RCOR1: variants seen among roughly 807,000 people sequenced by gnomAD.
RCOR1 encodes the protein REST corepressor.
Under a neutral mutation model 64.0 loss-of-function variants are expected in RCOR1, and 12 were observed. That is an observed-to-expected ratio of 0.19 (90% CI 0.12 to 0.30). The LOEUF (loss-of-function observed/expected upper bound fraction) is 0.30. Ranked by LOEUF, RCOR1 falls within the 10% of genes least tolerant of loss-of-function variation. RCOR1 has a pLI of 1.00. For synonymous variants in RCOR1, 279 were observed against 227.2 expected (o/e 1.23, Z -2.05); for missense variants, 502 against 621.2 (o/e 0.81, Z 2.04).
chr14:102,599,979 C>G (rs1179241060), intron 2 of RCOR1, among the ~76,000 whole-genome samples: 1 of 152,120 alleles, frequency 6.6e-6, no homozygotes, highest in Non-Finnish European at 1.5e-5. Context: ...CCAGGCTGGT[C>G]TCTAACTCTT....
In RCOR1 at chr14:102,657,955, TTTTAA is replaced by T. The variant is rs1327371179; in HGVS notation, c.362-23927_362-23923del. The stretch of plus-strand genomic sequence containing the variant: ...GAGTTTTCTTTATGAGGGGTGTTCT[TTTTAA>T]TTTAATTTAATTAATTTTTATTTAT... On this transcript the variant is annotated intron_variant, in intron 2 of 11. Transcript: ENST00000262241. 1.0e-5 allele frequency: 10 copies of T among 975,388 alleles called. 1 individual carries two copies. The African/African-American group carries it at 1.4e-4, about 14-fold the overall frequency. 60.4% of individuals were successfully genotyped at this position (975,388 alleles called of 1,614,324 possible). A position where few individuals can be genotyped will look rare whatever the true frequency, so the allele number is the denominator to read the frequency against.
chr14:102,618,323 G>A (rs907138319), intron 2 of RCOR1, among the ~76,000 whole-genome samples: 4 of 151,886 alleles, frequency 2.6e-5, no homozygotes, highest in Non-Finnish European at 5.9e-5. Context: ...TCTTTGCTTG[G>A]GTTGAGTACA....
chr14:102,690,248 A>G (rs74084112), intron 3 of RCOR1, among the ~76,000 whole-genome samples: 2 of 152,204 alleles, frequency 1.3e-5, no homozygotes, highest in African/African-American at 4.8e-5. Context: ...ACTATATTGT[A>G]CATGAAAGTT....
intron 2 of RCOR1, among the ~76,000 whole-genome samples, chr14:102,609,848 G>A (rs1218182362): frequency 6.6e-6 from 1 of 151,816 alleles, no homozygotes; most frequent in African/African-American, 2.4e-5. Flanking sequence ...TATATGAAAT[G>A]GTCCTTTAAG....
chr14:102,607,684 C>A lies in RCOR1; in HGVS notation c.361+14359C>A, dbSNP rs145079753. ...AGATCACGAGGTCAGGAGTTTGAGACCAGCCTGGCCAACATGGTAAAACCC... is the reference window on the plus strand; with the variant it reads ...AGATCACGAGGTCAGGAGTTTGAGAACAGCCTGGCCAACATGGTAAAACCC... On this transcript the variant is annotated intron_variant, in intron 2 of 11. Transcript: ENST00000262241. 8.6e-3 allele frequency among the ~76,000 whole-genome samples: 1,303 copies of A among 152,264 alleles called. 10 individuals are homozygous for A. The highest frequency in any genetic ancestry group is 0.014 in the Non-Finnish European group (964 of 68,026).
chr14:102,676,742 ACCTC>A (rs1895172047), intron 2 of RCOR1, among the ~76,000 whole-genome samples: 1 of 31,396 alleles, frequency 3.2e-5, no homozygotes, highest in African/African-American at 1.4e-4. Flanking sequence ...GACCCCCCCC[ACCTC>A]CCTCCCGGAC....
intron 2 of RCOR1, chr14:102,662,207 A>C (rs186466161): frequency 1.7e-5 from 8 of 460,516 alleles, no homozygotes; most frequent in Non-Finnish European, 3.3e-5. Flanking sequence ...GAAAAGATAT[A>C]CATATATTTA....
At chr14:102,601,031 A>T (rs1225655785) in intron 2 of RCOR1, among the ~76,000 whole-genome samples, 2 of 151,746 alleles carry the variant, frequency 1.3e-5, no homozygotes, top group Non-Finnish European at 2.9e-5. Flanking sequence ...TCTACTAAAA[A>T]CACAAAAATT....
rs755468973 is a variant in RCOR1, at chr14:102,701,281, A to G, written c.449A>G (p.Asp150Gly). 1.9e-6 allele frequency: 3 copies of G among 1,612,934 alleles called. No homozygotes were observed. The highest frequency in any genetic ancestry group is 1.7e-5 in the Admixed American group (1 of 59,956). ...PNQNLSEAKL[D>G]EYIAIAKEKH... ...GGCATCTCTTCTTGTTTTTCAGTGG[A>G]TGAATACATTGCCATTGCCAAAGAA... The change falls in exon 4 of 12, where the codon GAT becomes GGT. Residue 150 changes from aspartate (D) to glycine (G), a missense_variant. Transcript: ENST00000262241.
At chr14:102,724,385 C>T (rs1017655416) in intron 11 of RCOR1, among the ~76,000 whole-genome samples, 1 of 151,856 alleles carries the variant, frequency 6.6e-6, no homozygotes, top group African/African-American at 2.4e-5. Flanking sequence ...AGTGCAGTGG[C>T]TCAATCTCGG....
chr14:102,644,990 G>A lies in RCOR1; in HGVS notation c.362-36905G>A, dbSNP rs1006527395. Among the ~76,000 whole-genome samples, 9 of 152,122 alleles carry A rather than the reference G, an allele frequency of 5.9e-5. No homozygotes were observed. In the East Asian group the frequency reaches 1.7e-3, roughly 29 times the overall value. ...CCTTTGTGCTTTCGGTAGTTTTGGA[G>A]GAACAAAAAAACCTTCCCCTCATTT... On this transcript the variant is annotated intron_variant, in intron 2 of 11. Transcript: ENST00000262241.
At position 102,593,520 on chromosome 14, in the gene RCOR1, G is replaced by A. The variant is rs531439820; in HGVS notation, c.361+195G>A. Among the ~76,000 whole-genome samples the A allele has an allele frequency of 9.2e-5, 14 of 152,344 alleles. No homozygotes were observed. In the South Asian group the frequency reaches 2.7e-3, roughly 29 times the overall value. ...TTCTGCAAACGTGCCTCTGCACCCG[G>A]GGGAGGCCAGGTCGCCCCCAGCAGG... is the stretch of plus-strand genomic sequence containing the variant. On this transcript the variant is annotated intron_variant, in intron 2 of 11. Coordinates refer to ENST00000262241, the MANE Select transcript of RCOR1 (RefSeq NM_015156.4).
intron 2 of RCOR1, chr14:102,657,063 C>A: frequency 1.0e-6 from 1 of 983,120 alleles, no homozygotes; most frequent in Non-Finnish European, 1.2e-6. Context: ...GCGTGAATCA[C>A]TGCACCTGGC....
chr14:102,711,016 ATTTTT>A lies in RCOR1; in HGVS notation c.858+5_858+9del. The A allele has an allele frequency of 6.3e-6, 10 of 1,588,426 alleles. No individual in the cohort carries two copies. The highest frequency in any genetic ancestry group is 1.3e-5 in the African/African-American group (1 of 74,100). On this transcript the variant is annotated splice_donor_5th_base_variant and intron_variant, in intron 7 of 11. Coordinates refer to ENST00000262241, the MANE Select transcript of RCOR1 (RefSeq NM_015156.4). Reference sequence around the variant, plus strand: ...AAAACAAGGAAAGCAAAAAGGAGGTATTTTTTCCCCCTAGTATTGTTTAGGCGAAT... The same window carrying A: ...AAAACAAGGAAAGCAAAAAGGAGGTATCCCCCTAGTATTGTTTAGGCGAAT...
intron 2 of RCOR1, among the ~76,000 whole-genome samples, chr14:102,597,701 A>G (rs1258425603): frequency 1.4e-5 from 2 of 138,752 alleles, no homozygotes; most frequent in Admixed American, 8.2e-5. Flanking sequence ...CAGTGGCACA[A>G]TCAGCTCACA....
chr14:102,597,334 AT>A (rs1357962993), intron 2 of RCOR1, among the ~76,000 whole-genome samples: 27 of 143,906 alleles, frequency 1.9e-4, no homozygotes, highest in African/African-American at 2.0e-4. Flanking sequence ...TTTGACTTTG[AT>A]TTTTTTTTTT....
At position 102,619,453 on chromosome 14, in the gene RCOR1, A is replaced by G. The variant is rs190269761; in HGVS notation, c.361+26128A>G. On this transcript the variant is annotated intron_variant, in intron 2 of 11. Transcript: ENST00000262241. ...TATCTATCTATCTGTCTGTCTGTCT[A>G]TCTATCTATTCTATCTAATCTTTTT... Among the ~76,000 whole-genome samples the G allele has an allele frequency of 9.6e-4, 138 of 143,396 alleles. 1 individual carries two copies. Among genetic ancestry groups the G allele is most frequent in the East Asian group, 6.7e-3 (32 of 4,754 alleles). 94.1% of individuals were successfully genotyped at this position (143,396 alleles called of 152,430 possible).
intron 3 of RCOR1, among the ~76,000 whole-genome samples, chr14:102,699,799 A>G (rs1466421320): frequency 6.6e-6 from 1 of 150,820 alleles, no homozygotes; most frequent in African/African-American, 2.4e-5. Context: ...TTTTTAATTC[A>G]TAAAGGAAAA....
intron 2 of RCOR1, chr14:102,655,658 A>C: frequency 3.3e-6 from 1 of 302,458 alleles, no homozygotes; most frequent in Non-Finnish European, 4.9e-6. Context: ...TGAAACAAAA[A>C]AATGAAGGAG....
Sources: gnomAD v4.1 joint callset for allele counts (sites outside exome capture counted in the v4.1 genomes callset) on GRCh38, gnomAD v4.1.1 for gene constraint, MANE v1.5 for transcripts, NCBI Gene and HGNC (gene_info 2026-07-23, HGNC 2026-07-21) for gene names.